CPED1: variants seen among roughly 807,000 people sequenced by gnomAD.
The protein encoded by CPED1 is cadherin-like and PC-esterase domain-containing protein 1.
In CPED1, 114 loss-of-function variants were observed where a neutral mutation model predicts 128.2. That is an observed-to-expected ratio of 0.89 (90% CI 0.76 to 1.04). The LOEUF is 1.04. Among genes scored for constraint, CPED1 ranks in the 50% least tolerant of loss-of-function variants. The probability of loss-of-function intolerance (pLI) is 0.00; values close to 1 mark genes in which losing one functional copy is unlikely to be tolerated. For synonymous variants in CPED1, 462 were observed against 426.7 expected (o/e 1.08, Z -1.02); for missense variants, 1,211 against 1,207.1 (o/e 1.00, Z -0.05).
chr7:121,162,553 A>C (rs1324475323), intron 16 of CPED1, among the ~76,000 whole-genome samples: 2 of 152,188 alleles, frequency 1.3e-5, no homozygotes, highest in African/African-American at 4.8e-5. Flanking sequence ...GACTAGAACA[A>C]TTTATATTGT....
chr7:121,031,635 C>T (rs572340093), intron 3 of CPED1, among the ~76,000 whole-genome samples: 2 of 152,274 alleles, frequency 1.3e-5, no homozygotes, highest in East Asian at 3.9e-4. Flanking sequence ...TTTTTGCTTC[C>T]ACCAACAGTG....
intron 7 of CPED1, among the ~76,000 whole-genome samples, chr7:121,116,224 G>C (rs921890227): frequency 4.6e-5 from 7 of 152,078 alleles, no homozygotes; most frequent in African/African-American, 1.7e-4. Context: ...TAAGAAGTAC[G>C]AATGAGTAAA....
chr7:121,200,160 A>G (rs1721131344), intron 16 of CPED1, among the ~76,000 whole-genome samples: 1 of 152,166 alleles, frequency 6.6e-6, no homozygotes, highest in South Asian at 2.1e-4. Context: ...TCATAACATT[A>G]TCATATTCAT....
At chr7:121,262,421 A>G (rs1792039159) in intron 18 of CPED1, among the ~76,000 whole-genome samples, 1 of 152,116 alleles carries the variant, frequency 6.6e-6, no homozygotes, top group African/African-American at 2.4e-5. Context: ...TCATGATGCT[A>G]TGAAAAGGAA....
chr7:121,057,805 A>G (rs1442832161), intron 4 of CPED1, among the ~76,000 whole-genome samples: 1 of 152,224 alleles, frequency 6.6e-6, no homozygotes, highest in East Asian at 1.9e-4. Flanking sequence ...ACAAAAATAT[A>G]TATTACTGGG....
At chr7:121,065,715 A>G (rs1319326056) in intron 5 of CPED1, among the ~76,000 whole-genome samples, 1 of 152,136 alleles carries the variant, frequency 6.6e-6, no homozygotes, top group African/African-American at 2.4e-5. Flanking sequence ...GCTTCTGTAA[A>G]ACTAAGAAGT....
At chr7:121,096,633 C>T (rs935609044) in intron 5 of CPED1, among the ~76,000 whole-genome samples, 6 of 152,016 alleles carry the variant, frequency 3.9e-5, no homozygotes, top group African/African-American at 1.4e-4. Context: ...GTATTCATTG[C>T]AGTACTTTTG....
chr7:121,296,193 T>C lies in CPED1; in HGVS notation c.*541T>C, dbSNP rs1792821655. The C allele has an allele frequency of 1.3e-5, 2 of 152,626 alleles. No individual in the cohort carries two copies. Among genetic ancestry groups the C allele is most frequent in the South Asian group, 4.1e-4 (2 of 4,828 alleles). The allele number at this position is 152,626 out of a possible 1,614,324, so 9.5% of individuals were successfully genotyped here. ...AACATTTCTTCCTATACTTTTTAAA[T>C]TTTATTACTGAAAGGAAAAGAACAG... On this transcript the variant is annotated 3_prime_UTR_variant, in exon 23 of 23. Coordinates refer to ENST00000310396, the MANE Select transcript of CPED1 (RefSeq NM_024913.5).
chr7:121,205,128 G>C (rs1200388957), intron 16 of CPED1, among the ~76,000 whole-genome samples: 1 of 152,030 alleles, frequency 6.6e-6, no homozygotes, highest in East Asian at 1.9e-4. Flanking sequence ...GATAGGTATA[G>C]TAATTATAAT....
intron 22 of CPED1, among the ~76,000 whole-genome samples, chr7:121,292,432 T>G (rs985277844): frequency 2.6e-5 from 4 of 151,976 alleles, no homozygotes; most frequent in Admixed American, 2.0e-4. Context: ...TTTATCAAGG[T>G]TCTTAACTTC....
intron 16 of CPED1, among the ~76,000 whole-genome samples, chr7:121,200,622 T>C (rs562022671): frequency 1.3e-5 from 2 of 152,232 alleles, no homozygotes; most frequent in African/African-American, 4.8e-5. Context: ...TACTCTACAC[T>C]TGGCTGTCTC....
chr7:120,991,167 A>C (rs953901900), intron 2 of CPED1, among the ~76,000 whole-genome samples: 2 of 152,268 alleles, frequency 1.3e-5, no homozygotes, highest in African/African-American at 4.8e-5. Context: ...AGTTAAAACA[A>C]GGAAAATTTT....
chr7:121,110,418 AC>A (rs1478376031), intron 7 of CPED1, among the ~76,000 whole-genome samples: 4 of 152,218 alleles, frequency 2.6e-5, no homozygotes, highest in African/African-American at 7.2e-5. Context: ...ATGGATGTTG[AC>A]TAGGAACTAA....
At chr7:121,194,943 G>C (rs1361833396) in intron 16 of CPED1, 1 of 151,860 alleles carries the variant, frequency 6.6e-6, no homozygotes, top group African/African-American at 2.4e-5. Context: ...TAAATTTTCT[G>C]TTTTAAAAAT....
At chr7:121,030,968 A>C (rs1484186246) in intron 3 of CPED1, among the ~76,000 whole-genome samples, 3 of 152,222 alleles carry the variant, frequency 2.0e-5, no homozygotes, top group Non-Finnish European at 4.4e-5. Context: ...AGGTTTAGGC[A>C]GTCATATATC....
chr7:121,199,250 G>T (rs1164070760), intron 16 of CPED1, among the ~76,000 whole-genome samples: 1 of 152,090 alleles, frequency 6.6e-6, no homozygotes, highest in Non-Finnish European at 1.5e-5. Flanking sequence ...CACACATGGG[G>T]TATAATAATG....
rs140026255 is a variant in CPED1 at position 121,097,762 on chromosome 7, C to T, written c.680C>T (p.Thr227Ile). The T allele has an allele frequency of 9.3e-6, 15 of 1,613,732 alleles. No homozygotes were observed. Among genetic ancestry groups the T allele is most frequent in the Non-Finnish European group, 1.3e-5 (15 of 1,179,814 alleles). ...CAGGGAATGCAATTAAAGCCGAGTACTTCGAGTCACCTTTTAAAAACAGTG... is the reference window on the plus strand; with the variant it reads ...CAGGGAATGCAATTAAAGCCGAGTATTTCGAGTCACCTTTTAAAAACAGTG... Reference protein sequence around the residue: ...LDQGMQLKPSTSSHLLKTVKP... With the variant: ...LDQGMQLKPSISSHLLKTVKP... The change falls in exon 6 of 23, where the codon ACT becomes ATT. Residue 227 changes from threonine (T) to isoleucine (I), a missense_variant. Transcript: ENST00000310396.
At position 121,236,781 on chromosome 7, in the gene CPED1, A is replaced by G. The variant is rs35793694; in HGVS notation, c.2123A>G (p.Glu708Gly). Reference protein sequence around the residue: ...GLQPISSDYIEAILQSELKRC... With the variant: ...GLQPISSDYIGAILQSELKRC... Reference sequence around the variant, plus strand: ...CAGCCTATTTCTTCTGACTACATTGAAGCCATTTTACAGTCTGAACTAAAA... The same window carrying G: ...CAGCCTATTTCTTCTGACTACATTGGAGCCATTTTACAGTCTGAACTAAAA... The change falls in exon 17 of 23, where the codon GAA becomes GGA. Residue 708 changes from glutamate to glycine, a missense_variant. Transcript: ENST00000310396. 0.072 allele frequency: 115,922 copies of G among 1,607,744 alleles called. 4,622 individuals carry two copies. The highest frequency in any genetic ancestry group is 0.079 in the Non-Finnish European group (92,781 of 1,176,614).
At chr7:121,174,901 G>A (rs1020144660) in intron 16 of CPED1, among the ~76,000 whole-genome samples, 3 of 151,964 alleles carry the variant, frequency 2.0e-5, no homozygotes, top group Non-Finnish European at 4.4e-5. Flanking sequence ...TGATCTATTT[G>A]AGCAGTGTTT....
Sources: gnomAD v4.1 joint callset for allele counts (sites outside exome capture counted in the v4.1 genomes callset) on GRCh38, gnomAD v4.1.1 for gene constraint, MANE v1.5 for transcripts, NCBI Gene and HGNC (gene_info 2026-07-23, HGNC 2026-07-21) for gene names.